The following YTHDC2 variants were observed in gnomAD, a reference collection of about 807,000 sequenced individuals.
YTHDC2 encodes the protein 3'-5' RNA helicase YTHDC2.
YTHDC2 carries 45 observed loss-of-function variants against 174.9 expected under a neutral mutation model. The ratio of observed to expected loss-of-function variants is 0.26; its 90% CI spans 0.20 to 0.33. The LOEUF is 0.33. Among genes scored for constraint, YTHDC2 ranks in the 10% least tolerant of loss-of-function variants. The probability of loss-of-function intolerance (pLI) is 1.00; values close to 1 mark genes in which losing one functional copy is unlikely to be tolerated. For missense variants in YTHDC2, 1,650 were observed against 1,723.7 expected, an observed-to-expected ratio of 0.96 and a Z score of 0.76; for synonymous variants, 657 against 574.5, an observed-to-expected ratio of 1.14 and a Z score of -2.05.
chr5:113,532,524 G>C (rs1215288229), intron 4 of YTHDC2, among the ~76,000 whole-genome samples: 2 of 152,052 alleles, frequency 1.3e-5, no homozygotes, highest in African/African-American at 4.8e-5. Context: ...AATTTGGGGA[G>C]AAGTTAACAT....
chr5:113,544,777 C>G (rs1365197604), intron 10 of YTHDC2, among the ~76,000 whole-genome samples: 1 of 151,680 alleles, frequency 6.6e-6, no homozygotes, highest in Non-Finnish European at 1.5e-5. Context: ...CTTCCCTGGT[C>G]TGCCTTCTCT....
chr5:113,538,357 T>C (rs754505446), intron 7 of YTHDC2, among the ~76,000 whole-genome samples: 1 of 152,150 alleles, frequency 6.6e-6, no homozygotes, highest in Non-Finnish European at 1.5e-5. Flanking sequence ...TGAATGACTT[T>C]TACCTCAGGA....
intron 17 of YTHDC2, among the ~76,000 whole-genome samples, chr5:113,557,518 G>C (rs976827220): frequency 2.6e-5 from 4 of 152,184 alleles, no homozygotes; most frequent in Admixed American, 2.6e-4. Context: ...GTAAGGCTGG[G>C]TGTAGTGGCT....
rs1774997983 is a variant in YTHDC2 at position 113,535,571 on chromosome 5, C to T, written c.946-71C>T. ...TGAATTAGTGTAAAACCCAGTGGTG[C>T]CATTGTTTTTAAAGACTTAGTCATC... is the stretch of plus-strand genomic sequence containing the variant. On this transcript the variant is annotated intron_variant, in intron 6 of 29. Coordinates refer to ENST00000161863, the MANE Select transcript of YTHDC2 (RefSeq NM_022828.5). The T allele has an allele frequency of 2.9e-6, 4 of 1,379,736 alleles. No individual in the cohort carries two copies. The East Asian group carries it at 7.5e-5, about 26-fold the overall frequency. 85.5% of individuals were successfully genotyped at this position (1,379,736 alleles called of 1,614,324 possible). A position where few individuals can be genotyped will look rare whatever the true frequency, so the allele number is the denominator to read the frequency against.
At chr5:113,583,030 A>G (rs979790500) in intron 25 of YTHDC2, 2 of 152,188 alleles carry the variant, frequency 1.3e-5, no homozygotes, top group African/African-American at 4.8e-5. Flanking sequence ...ATATATTTCC[A>G]TAGGAGTTAT....
chr5:113,552,611 G>A (rs1776323091), intron 12 of YTHDC2, among the ~76,000 whole-genome samples: 1 of 152,042 alleles, frequency 6.6e-6, no homozygotes, highest in African/African-American at 2.4e-5. Context: ...AATAATACTG[G>A]TATGAATATT....
chr5:113,571,482 C>G (rs926787296), intron 23 of YTHDC2, among the ~76,000 whole-genome samples: 2 of 152,178 alleles, frequency 1.3e-5, no homozygotes, highest in African/African-American at 4.8e-5. Flanking sequence ...CAGTATGATG[C>G]TGGTCTTACA....
In YTHDC2 at chr5:113,556,080, C is replaced by A. The variant is rs771010919; in HGVS notation, c.2162C>A (p.Thr721Lys). The A allele has an allele frequency of 1.2e-6, 2 of 1,607,074 alleles. No individual in the cohort carries two copies. Among genetic ancestry groups the A allele is most frequent in the Admixed American group, 1.7e-5 (1 of 59,770 alleles). ...TCCTTTGATGCTCTGAATTTTGTTA[C>A]AATGTTAAAAATGGTATGGATTTCC... ...EKSFDALNFV[T>K]MLKMVWISKA... Residue 721 changes from threonine (T) to lysine (K), a missense_variant, in exon 17 of 30, where the codon ACA (threonine) becomes AAA (lysine). Coordinates refer to ENST00000161863, the MANE Select transcript of YTHDC2 (RefSeq NM_022828.5).
At chr5:113,571,660 T>C (rs1777727888) in intron 23 of YTHDC2, among the ~76,000 whole-genome samples, 3 of 152,206 alleles carry the variant, frequency 2.0e-5, no homozygotes, top group African/African-American at 7.2e-5. Flanking sequence ...AAACTTGTTA[T>C]TGGTCTATTC....
At chr5:113,537,316 TCTTA>T (rs1775148842) in intron 7 of YTHDC2, among the ~76,000 whole-genome samples, 1 of 151,806 alleles carries the variant, frequency 6.6e-6, no homozygotes, top group Non-Finnish European at 1.5e-5. Context: ...TAGGCAAAAA[TCTTA>T]CTTAACTTTT....
chr5:113,585,739 A>T (rs899254612), intron 26 of YTHDC2, among the ~76,000 whole-genome samples: 3 of 151,194 alleles, frequency 2.0e-5, no homozygotes, highest in African/African-American at 4.9e-5. Flanking sequence ...TGAAATTTCT[A>T]TTAAGTGAAA....
rs114278463 is a variant in YTHDC2 at position 113,555,548 on chromosome 5, A to G, written c.2134-504A>G. On this transcript the variant is annotated intron_variant, in intron 16 of 29. Coordinates refer to ENST00000161863, the MANE Select transcript of YTHDC2 (RefSeq NM_022828.5). Reference sequence around the variant, plus strand: ...TTCGGGAAAGGCTAACTTTGTTAGTAGCTCAGCAGGAAGTAAAGTGGAAGT... The same window carrying G: ...TTCGGGAAAGGCTAACTTTGTTAGTGGCTCAGCAGGAAGTAAAGTGGAAGT... 8.8e-3 allele frequency among the ~76,000 whole-genome samples: 1,347 copies of G among 152,316 alleles called. 7 individuals are homozygous for G. Among genetic ancestry groups the G allele is most frequent in the Non-Finnish European group, 0.015 (1,007 of 67,994 alleles).
intron 18 of YTHDC2, among the ~76,000 whole-genome samples, chr5:113,562,782 T>C (rs927694673): frequency 7.9e-5 from 12 of 152,208 alleles, no homozygotes; most frequent in Non-Finnish European, 4.4e-5. Flanking sequence ...CTTCCCATGG[T>C]CTCCCTCTCC....
intron 10 of YTHDC2, among the ~76,000 whole-genome samples, chr5:113,544,195 C>T (rs565196691): frequency 3.9e-5 from 6 of 152,290 alleles, no homozygotes; most frequent in African/African-American, 1.2e-4. Context: ...TGTCATCAGG[C>T]TGGAGTGCAG....
At chr5:113,533,513 C>T (rs1774836094) in intron 5 of YTHDC2, among the ~76,000 whole-genome samples, 1 of 150,956 alleles carries the variant, frequency 6.6e-6, no homozygotes, top group African/African-American at 2.4e-5. Flanking sequence ...CGCACCATGG[C>T]ACTCCAGCCT....
chr5:113,570,189 TG>T (rs1777627336), intron 23 of YTHDC2, among the ~76,000 whole-genome samples: 1 of 152,062 alleles, frequency 6.6e-6, no homozygotes, highest in South Asian at 2.1e-4. Context: ...CTCCGCCTCC[TG>T]GGTTCAAGCA....
chr5:113,569,344 T>A (rs1349277221), intron 23 of YTHDC2, among the ~76,000 whole-genome samples: 1 of 152,210 alleles, frequency 6.6e-6, no homozygotes, highest in Non-Finnish European at 1.5e-5. Flanking sequence ...AAACTTTAGT[T>A]TAATTAGATC....
intron 10 of YTHDC2, among the ~76,000 whole-genome samples, chr5:113,544,005 G>A (rs1775666816): frequency 6.6e-6 from 1 of 152,012 alleles, no homozygotes; most frequent in Non-Finnish European, 1.5e-5. Flanking sequence ...TACCTGTCAT[G>A]TATTTTTTAT....
chr5:113,544,767 C>T (rs1051566868), intron 10 of YTHDC2, among the ~76,000 whole-genome samples: 3 of 151,862 alleles, frequency 2.0e-5, no homozygotes, highest in Non-Finnish European at 4.4e-5. Flanking sequence ...TGGTCCCCTC[C>T]TTCCCTGGTC....
Sources: allele counts gnomAD v4.1 joint callset (sites outside exome capture counted in the v4.1 genomes callset), GRCh38; gene constraint gnomAD v4.1.1; transcripts MANE v1.5; gene names NCBI Gene and HGNC (gene_info 2026-07-23, HGNC 2026-07-21).